TRHDE: variants seen among roughly 807,000 people sequenced by gnomAD.
TRHDE encodes thyrotropin-releasing hormone-degrading ectoenzyme.
Under a neutral mutation model 125.7 loss-of-function variants are expected in TRHDE, and 72 were observed. The ratio of observed to expected loss-of-function variants is 0.57; its 90% confidence interval spans 0.47 to 0.70. TRHDE has a LOEUF of 0.70. TRHDE is among the 30% of genes least tolerant of loss of function. The probability of loss-of-function intolerance (pLI) is 0.00; values close to 1 mark genes in which losing one functional copy is unlikely to be tolerated. For synonymous variants in TRHDE, 509 were observed against 509.1 expected (o/e 1.00, Z 0.00); for missense variants, 1,110 against 1,327.1 (o/e 0.84, Z 2.54).
At chr12:72,310,181 C>A (rs1868474968) in intron 2 of TRHDE, among the ~76,000 whole-genome samples, 1 of 152,180 alleles carries the variant, frequency 6.6e-6, no homozygotes, top group Admixed American at 6.5e-5. Context: ...AGTTACATAA[C>A]CCCTCTATGT....
intron 2 of TRHDE, among the ~76,000 whole-genome samples, chr12:72,169,363 C>A (rs1012520121): frequency 6.6e-6 from 1 of 152,106 alleles, no homozygotes; most frequent in Non-Finnish European, 1.5e-5. Flanking sequence ...GCCTAGACTG[C>A]CAAACAAAAT....
At chr12:72,430,365 A>G (rs574045651) in intron 3 of TRHDE, among the ~76,000 whole-genome samples, 5 of 142,844 alleles carry the variant, frequency 3.5e-5, no homozygotes, top group South Asian at 2.1e-4. Flanking sequence ...ATATATACAT[A>G]TATACGTATA....
chr12:72,379,733 C>G (rs1257308946), intron 3 of TRHDE, among the ~76,000 whole-genome samples: 1 of 152,204 alleles, frequency 6.6e-6, no homozygotes, highest in African/African-American at 2.4e-5. Flanking sequence ...AACCACGCAG[C>G]CTTTCATCTG....
At chr12:72,132,784 T>C (rs2139308986) in intron 2 of TRHDE, among the ~76,000 whole-genome samples, 4 of 152,282 alleles carry the variant, frequency 2.6e-5, no homozygotes, top group Middle Eastern at 6.8e-3. Flanking sequence ...CAGAGAATTA[T>C]CTTTCAGGAC....
intron 3 of TRHDE, among the ~76,000 whole-genome samples, chr12:72,459,871 G>A (rs553142746): frequency 6.6e-6 from 1 of 152,204 alleles, no homozygotes; most frequent in Non-Finnish European, 1.5e-5. Context: ...TGTTGCCTCG[G>A]CTTCTCAATG....
At chr12:72,224,150 G>T (rs7136261) in intron 2 of TRHDE, among the ~76,000 whole-genome samples, 209 of 86,046 alleles carry the variant, frequency 2.4e-3, no homozygotes, top group African/African-American at 7.8e-3. Context: ...ATTTATCTAT[G>T]TATGTATGTA....
chr12:72,404,488 A>G (rs985685829), intron 3 of TRHDE, among the ~76,000 whole-genome samples: 3 of 152,032 alleles, frequency 2.0e-5, no homozygotes, highest in African/African-American at 7.2e-5. Flanking sequence ...TCATAATAAG[A>G]TTTGTTATAA....
chr12:72,528,289 G>A (rs774687906), intron 6 of TRHDE, among the ~76,000 whole-genome samples: 44 of 152,138 alleles, frequency 2.9e-4, no homozygotes, highest in African/African-American at 9.9e-4. Context: ...CATTAATCAC[G>A]TATTTTTCTT....
intron 2 of TRHDE, among the ~76,000 whole-genome samples, chr12:72,330,529 G>A (rs966815359): frequency 6.6e-6 from 1 of 152,136 alleles, no homozygotes; most frequent in Non-Finnish European, 1.5e-5. Flanking sequence ...GCAGCCAGGG[G>A]TCAGCGGCTG....
chr12:72,524,255 T>C (rs1868296668), intron 6 of TRHDE, among the ~76,000 whole-genome samples: 1 of 152,130 alleles, frequency 6.6e-6, no homozygotes, highest in Non-Finnish European at 1.5e-5. Flanking sequence ...GAAAGGGAGA[T>C]AGAGAAAACC....
chr12:72,192,686 A>T (rs939277857), intron 2 of TRHDE, among the ~76,000 whole-genome samples: 13 of 151,928 alleles, frequency 8.6e-5, no homozygotes, highest in East Asian at 7.7e-4. Context: ...GTTTTTTTTT[A>T]AAAATCTCCT....
chr12:72,416,903 TC>T (rs1377608709), intron 3 of TRHDE, among the ~76,000 whole-genome samples: 4 of 152,052 alleles, frequency 2.6e-5, no homozygotes, highest in Non-Finnish European at 4.4e-5. Context: ...CTTTTCTATT[TC>T]TGTAAAGATA....
rs540150346 is a variant in TRHDE, at chr12:72,430,301, A to C, written c.1316-39457A>C. Among the ~76,000 whole-genome samples the C allele has an allele frequency of 4.5e-5, 6 of 133,792 alleles. No homozygotes were observed. The South Asian group carries it at 1.3e-3, about 29-fold the overall frequency. 87.8% of individuals were successfully genotyped at this position (133,792 alleles called of 152,430 possible). ...AACTGTTGTGTGTGTGTATATATGT[A>C]TATATATGTATATATACATGTATAC... On this transcript the variant is annotated intron_variant, in intron 3 of 18. Coordinates refer to ENST00000261180, the MANE Select transcript of TRHDE (RefSeq NM_013381.3).
At chr12:72,449,792 C>A (rs901540108) in intron 3 of TRHDE, among the ~76,000 whole-genome samples, 2 of 151,958 alleles carry the variant, frequency 1.3e-5, no homozygotes, top group Non-Finnish European at 2.9e-5. Context: ...CCTTTACTAG[C>A]AATAAATGGA....
intron 2 of TRHDE, among the ~76,000 whole-genome samples, chr12:72,236,068 T>C (rs2139376970): frequency 6.6e-6 from 1 of 152,298 alleles, no homozygotes; most frequent in African/African-American, 2.4e-5. Flanking sequence ...AAGAGTCACA[T>C]TTTCCAAAAT....
rs148770019 is a variant in TRHDE, at chr12:72,497,068, A to G, written c.1585-2430A>G. The stretch of plus-strand genomic sequence containing the variant: ...CTTTGTTCCCCCTCTCTCTTAATCC[A>G]TTTATGCATATAAATATTGTTGTTT... On this transcript the variant is annotated intron_variant, in intron 5 of 18. Transcript: ENST00000261180. 3.4e-3 allele frequency among the ~76,000 whole-genome samples: 523 copies of G among 152,028 alleles called. 5 individuals are homozygous for G. Among genetic ancestry groups the G allele is most frequent in the African/African-American group, 0.012 (477 of 41,456 alleles).
At chr12:72,436,108 G>A (rs1267658808) in intron 3 of TRHDE, among the ~76,000 whole-genome samples, 2 of 152,006 alleles carry the variant, frequency 1.3e-5, no homozygotes, top group African/African-American at 2.4e-5. Context: ...TATTTAAAGA[G>A]CATCTCTGTT....
At chr12:72,655,442 C>CTTTG (rs1401537319) in intron 17 of TRHDE, among the ~76,000 whole-genome samples, 1 of 152,054 alleles carries the variant, frequency 6.6e-6, no homozygotes, top group African/African-American at 2.4e-5. Context: ...GTCTCTTTTT[C>CTTTG]TTTGTTTATG....
At chr12:72,514,054 A>C (rs1878719953) in intron 6 of TRHDE, among the ~76,000 whole-genome samples, 1 of 152,118 alleles carries the variant, frequency 6.6e-6, no homozygotes, top group African/African-American at 2.4e-5. Flanking sequence ...TACACTGTGA[A>C]CCTCAGGCCA....
Sources: gnomAD v4.1 joint callset for allele counts (sites outside exome capture counted in the v4.1 genomes callset) on GRCh38, gnomAD v4.1.1 for gene constraint, MANE v1.5 for transcripts, NCBI Gene and HGNC (gene_info 2026-07-23, HGNC 2026-07-21) for gene names.